TTC17: variants seen among roughly 807,000 people sequenced by gnomAD.
The protein encoded by TTC17 is tetratricopeptide repeat protein 17.
Under a neutral mutation model 143.8 loss-of-function variants are expected in TTC17, and 58 were observed. That is an observed-to-expected ratio of 0.40 (90% CI 0.33 to 0.50). The LOEUF (loss-of-function observed/expected upper bound fraction) is 0.50, where lower values mean the gene tolerates loss of function less well. TTC17 is among the 20% of genes least tolerant of loss of function. The pLI is 0.49. For synonymous variants in TTC17, 501 were observed against 497.8 expected, an observed-to-expected ratio of 1.01 and a Z score of -0.09; for missense variants, 1,273 against 1,392.5, an observed-to-expected ratio of 0.91 and a Z score of 1.37.
rs1471494549 is a variant in TTC17, at chr11:43,407,357, A to G, written c.1844A>G (p.Asn615Ser). The G allele has an allele frequency of 2.5e-6, 4 of 1,612,798 alleles. No homozygotes were observed. The highest frequency in any genetic ancestry group is 3.4e-6 in the Non-Finnish European group (4 of 1,179,392). ...AAGTATTTTTGGATTTTTCAGCCAA[A>G]TGCTCCTATCTGGCTCATACTCAAT... ...SFLFHAINKPNAPIWLILNEA... is the reference protein window; with the variant it reads ...SFLFHAINKPSAPIWLILNEA... Residue 615 changes from asparagine (N) to serine (S), a missense_variant, in exon 15 of 24, where the codon AAT (asparagine) becomes AGT (serine). Around this residue, in one of 3 missense-constraint regions of TTC17, gnomAD observed 878 missense variants for 899.8 expected, o/e 0.98. Transcript: ENST00000039989.
intron 16 of TTC17, among the ~76,000 whole-genome samples, chr11:43,420,873 C>G (rs1332920693): frequency 6.6e-6 from 1 of 152,158 alleles, no homozygotes; most frequent in Non-Finnish European, 1.5e-5. Flanking sequence ...GGTTGTTAGC[C>G]TTGCCAAATA....
chr11:43,490,586 A>G lies in TTC17; in HGVS notation c.3150+228A>G, dbSNP rs112213656. On this transcript the variant is annotated intron_variant, in intron 22 of 23. Transcript: ENST00000039989. ...GGTTGGAACGTGGGGAAGGCCTTCC[A>G]GATCACTGTAAGACAGTACTGCATT... is the stretch of plus-strand genomic sequence containing the variant. The G allele has an allele frequency of 2.0e-5, 9 of 456,252 alleles. 1 individual carries two copies. The South Asian group carries it at 3.4e-4, about 17-fold the overall frequency. The allele number at this position is 456,252 out of a possible 1,614,324, so 28.3% of individuals were successfully genotyped here.
intron 16 of TTC17, among the ~76,000 whole-genome samples, chr11:43,422,597 AC>A (rs2134651312): frequency 6.6e-6 from 1 of 152,292 alleles, no homozygotes; most frequent in East Asian, 1.9e-4. Flanking sequence ...TAGTAGAAAA[AC>A]CATTGAAGTA....
In TTC17 at chr11:43,389,707, G is replaced by A; in HGVS notation, c.305G>A (p.Gly102Glu). Residue 102 changes from glycine (G) to glutamate (E), a missense_variant, in exon 3 of 24, where the codon GGA becomes GAA. Around this residue, in one of 3 missense-constraint regions of TTC17, gnomAD observed 325 missense variants for 444.2 expected, o/e 0.73. Coordinates refer to ENST00000039989, the MANE Select transcript of TTC17 (RefSeq NM_018259.6). ...HIEENEDRDTGLEQRHNKEDP... is the reference protein window; with the variant it reads ...HIEENEDRDTELEQRHNKEDP... ...GAAGAGAATGAGGACAGAGACACAG[G>A]ACTGGAACAGAGACATAATAAAGAA... The A allele has an allele frequency of 6.2e-7, 1 of 1,613,746 alleles. No individual in the cohort carries two copies. Among genetic ancestry groups the A allele is most frequent in the Non-Finnish European group, 8.5e-7 (1 of 1,179,776 alleles).
chr11:43,493,670 G>C, intron 23 of TTC17, 103 bp from the exon 24 acceptor site: 1 of 1,549,412 alleles, frequency 6.5e-7, no homozygotes, highest in Non-Finnish European at 8.9e-7. Context: ...AATGCTGCGG[G>C]ATTGTCCCTA....
At chr11:43,402,600 CTT>C (rs1297124785) in intron 10 of TTC17, among the ~76,000 whole-genome samples, 1 of 151,954 alleles carries the variant, frequency 6.6e-6, no homozygotes, top group East Asian at 1.9e-4. Context: ...AACTCTGAAA[CTT>C]TTTGAGCACT....
At chr11:43,457,115 T>C (rs1446960785) in intron 21 of TTC17, among the ~76,000 whole-genome samples, 1 of 152,088 alleles carries the variant, frequency 6.6e-6, no homozygotes, top group Non-Finnish European at 1.5e-5. Flanking sequence ...CCTGAGGTCA[T>C]TCCTGTTCCT....
intron 21 of TTC17, among the ~76,000 whole-genome samples, chr11:43,489,059 TA>T (rs1948427135): frequency 1.3e-5 from 2 of 152,060 alleles, no homozygotes; most frequent in African/African-American, 2.4e-5. Flanking sequence ...TGAAGATCAC[TA>T]AAAAACCAAA....
Position 43,399,995 on chromosome 11 carries a change from A to C in TTC17, c.1166A>C (p.Gln389Pro). Residue 389 changes from glutamine to proline, a missense_variant, in exon 9 of 24, where the codon CAA becomes CCA. By Grantham distance (76) the Gln-to-Pro change is moderately conservative. Transcript: ENST00000039989. ...AAACATAAACTGATTCAGGAGGAGC[A>C]AATCTTAAGAAATATCATTCATGAG... ...LEKHKLIQEE[Q>P]ILRNIIHETQ... The C allele has an allele frequency of 1.2e-6, 2 of 1,614,082 alleles. No homozygotes were observed. The highest frequency in any genetic ancestry group is 1.7e-6 in the Non-Finnish European group (2 of 1,179,964).
At chr11:43,380,839 G>T (rs1252248392) in intron 2 of TTC17, among the ~76,000 whole-genome samples, 1 of 152,144 alleles carries the variant, frequency 6.6e-6, no homozygotes, top group Non-Finnish European at 1.5e-5. Flanking sequence ...TTTATCACTT[G>T]TAAATTTGGA....
chr11:43,428,221 C>G (rs899542198), intron 16 of TTC17, among the ~76,000 whole-genome samples: 4 of 152,040 alleles, frequency 2.6e-5, no homozygotes, highest in African/African-American at 9.7e-5. Flanking sequence ...ATGAGTCAGT[C>G]TCAGGAAGTC....
intron 3 of TTC17, among the ~76,000 whole-genome samples, chr11:43,391,162 G>T (rs1019112372): frequency 6.6e-6 from 1 of 152,182 alleles, no homozygotes; most frequent in Non-Finnish European, 1.5e-5. Context: ...ACTTTGGGAG[G>T]CCAAGATGGG....
In TTC17 at chr11:43,361,585, C is replaced by G. The variant is rs531173297; in HGVS notation, c.159+2472C>G. ...TGAATACTTCACTGAAAGTGAAAAA[C>G]AGAATGGTTATATGGGCACTCAGTA... is the stretch of plus-strand genomic sequence containing the variant. On this transcript the variant is annotated intron_variant, in intron 1 of 23. Transcript: ENST00000039989. 3.3e-5 allele frequency among the ~76,000 whole-genome samples: 5 copies of G among 152,292 alleles called. No homozygotes were observed. In the South Asian group the frequency reaches 1.0e-3, roughly 32 times the overall value.
chr11:43,462,918 A>ATTTTTTTTTTTTTTTTTTTTTTTTTTT (rs1369564202), intron 21 of TTC17, among the ~76,000 whole-genome samples: 23 of 95,298 alleles, frequency 2.4e-4, no homozygotes, highest in African/African-American at 1.1e-3. Context: ...CAGTGACAAA[A>ATTTTTTTTTTTTTTTTTTTTTTTTTTT]TTCTTTTTTT....
At position 43,405,892 on chromosome 11, in the gene TTC17, A is replaced by G; in HGVS notation, c.1702A>G (p.Lys568Glu). ...RKSHTLSYLV[K>E]ELEVRMDLKA... The stretch of plus-strand genomic sequence containing the variant: ...AAGCCACACTCTGTCCTACTTAGTC[A>G]AAGAATTAGAGGTTCGCATGGATCT... The change falls in exon 13 of 24, where the codon AAA (lysine) becomes GAA (glutamate). Residue 568 changes from lysine (K) to glutamate (E), a missense_variant. Physicochemically the swap from Lys to Glu is moderately conservative, Grantham distance 56 (BLOSUM62 1). Coordinates refer to ENST00000039989, the MANE Select transcript of TTC17 (RefSeq NM_018259.6). 6.2e-7 allele frequency: 1 copy of G among 1,614,042 alleles called. No homozygotes were observed.
chr11:43,368,230 C>T (rs1044760375), intron 1 of TTC17, among the ~76,000 whole-genome samples: 78 of 152,242 alleles, frequency 5.1e-4, no homozygotes, highest in African/African-American at 1.7e-3. Flanking sequence ...CTTTTGCAGT[C>T]TCGGGGCATA....
intron 21 of TTC17, among the ~76,000 whole-genome samples, chr11:43,452,510 T>A (rs1947682136): frequency 1.4e-5 from 2 of 147,810 alleles, no homozygotes; most frequent in Admixed American, 1.3e-4. Context: ...CAATAAATAA[T>A]GAATGAATGA....
At chr11:43,470,894 A>G (rs539254499) in intron 21 of TTC17, among the ~76,000 whole-genome samples, 1 of 152,348 alleles carries the variant, frequency 6.6e-6, no homozygotes, top group South Asian at 2.1e-4. Flanking sequence ...ATAACAAAGT[A>G]AAAGTGCCCC....
At chr11:43,428,305 TA>T (rs140430538) in intron 16 of TTC17, among the ~76,000 whole-genome samples, 14,905 of 149,860 alleles carry the variant, frequency 0.099, 2,481 homozygotes, top group African/African-American at 0.34. Flanking sequence ...AGATTTAAAT[TA>T]AAAAAAAAAT....
Sources: gnomAD v4.1 joint callset for allele counts (sites outside exome capture counted in the v4.1 genomes callset) on GRCh38, gnomAD v4.1.1 for gene constraint, gnomAD v4.1.1 regional missense constraint, MANE v1.5 for transcripts, NCBI Gene and HGNC (gene_info 2026-07-23, HGNC 2026-07-21) for gene names.